HUWE1: variants seen among roughly 807,000 people sequenced by gnomAD.
HUWE1 encodes the protein HECT, UBA and WWE domain containing E3 ubiquitin protein ligase 1.
HUWE1 carries 18 observed loss-of-function variants against 299.4 expected under a neutral mutation model. The ratio of observed to expected loss-of-function variants is 0.06; its 90% CI spans 0.04 to 0.09. The LOEUF is 0.09. HUWE1 is among the 10% of genes least tolerant of loss of function. HUWE1 has a pLI of 1.00. For missense variants in HUWE1, 1,832 were observed against 3,462.3 expected, an observed-to-expected ratio of 0.53 and a Z score of 11.82; for synonymous variants, 1,317 against 1,286.1, an observed-to-expected ratio of 1.02 and a Z score of -0.51.
At chrX:53,643,443 G>A (rs1205996781) in intron 7 of HUWE1, among the ~76,000 whole-genome samples, 2 of 110,278 alleles carry the variant, frequency 1.8e-5, no homozygotes, top group Non-Finnish European at 3.8e-5. Flanking sequence ...TCCGCCTCCC[G>A]GGTTCAAGCG....
intron 28 of HUWE1, among the ~76,000 whole-genome samples, chrX:53,601,463 C>T (rs2064838281): frequency 9.1e-6 from 1 of 110,291 alleles, no homozygotes; most frequent in African/African-American, 3.3e-5. Flanking sequence ...GGATTAGAGA[C>T]GTGAGCCACT....
At chrX:53,674,225 C>A (rs1197557374) in intron 3 of HUWE1, among the ~76,000 whole-genome samples, 1 of 111,521 alleles carries the variant, frequency 9.0e-6, no homozygotes, top group African/African-American at 3.3e-5. Flanking sequence ...TACTAGATTT[C>A]TTTTCTTATT....
intron 27 of HUWE1, 140 bp downstream of exon 27, chrX:53,603,228 C>G: frequency 1.8e-6 from 1 of 563,027 alleles, no homozygotes; most frequent in Non-Finnish European, 2.9e-6. Flanking sequence ...CATTTGTCAT[C>G]AAGTTCCTAG....
chrX:53,676,183 A>G (rs782757437), intron 3 of HUWE1, among the ~76,000 whole-genome samples: 15 of 112,107 alleles, frequency 1.3e-4, no homozygotes, highest in Non-Finnish European at 2.8e-4. Context: ...GAAGGAGTTA[A>G]GTAAAATAGT....
At chrX:53,579,065 G>GT (rs2063440929) in intron 43 of HUWE1, among the ~76,000 whole-genome samples, 1 of 86,613 alleles carries the variant, frequency 1.2e-5, no homozygotes, top group African/African-American at 4.5e-5. Flanking sequence ...CGTCCGGGAG[G>GT]GAGGTGGGGG....
Position 53,600,320 on chromosome X carries a change from A to G in HUWE1, c.2972-11T>C, listed in dbSNP as rs782721309. 1.4e-5 allele frequency: 16 copies of G among 1,161,723 alleles called. No homozygotes were observed. The highest frequency in any genetic ancestry group is 2.5e-4 in the Middle Eastern group (1 of 3,981). On this transcript the variant is annotated splice_polypyrimidine_tract_variant and intron_variant, in intron 28 of 83. Transcript: ENST00000262854. ...CATCCTGTTCCCCATCTACAGATGT[A>G]TAAGAGGGGAGCAATAGGACAATGT...
rs782290958 is a variant in HUWE1 at position 53,534,172 on chromosome X, C to T, written c.12857G>A (p.Arg4286His). Reference sequence around the variant, plus strand: ...GGCACGGTCAGCTTGATCGAAAGAACGCAATGCTCTCCAGAACCACTGGAT... The same window carrying T: ...GGCACGGTCAGCTTGATCGAAAGAATGCAATGCTCTCCAGAACCACTGGAT... ...IQIQWFWRAL[R>H]SFDQADRAKF... Residue 4286 changes from arginine (R) to histidine (H), a missense_variant, in exon 83 of 84, where the codon CGT becomes CAT. By Grantham distance (29) the Arg-to-His change is conservative. Transcript: ENST00000262854. 3 of 1,210,114 alleles carry T rather than the reference C, an allele frequency of 2.5e-6. No homozygotes were observed. Among genetic ancestry groups the T allele is most frequent in the Non-Finnish European group, 2.2e-6 (2 of 894,512 alleles).
At chrX:53,646,598 G>A (rs782134943) in intron 6 of HUWE1, among the ~76,000 whole-genome samples, 83 of 111,972 alleles carry the variant, frequency 7.4e-4, no homozygotes, top group Non-Finnish European at 1.2e-3. Context: ...GGACTTCCAT[G>A]GGCAGCATAT....
chrX:53,634,413 A>C, intron 7 of HUWE1, 115 bp from the exon 8 acceptor site: 1 of 541,140 alleles, frequency 1.8e-6, no homozygotes. Context: ...ATGTATATAC[A>C]CATACATATA....
At chrX:53,610,169 A>G (rs1339560268) in intron 23 of HUWE1, among the ~76,000 whole-genome samples, 1 of 111,655 alleles carries the variant, frequency 9.0e-6, no homozygotes, top group Non-Finnish European at 1.9e-5. Flanking sequence ...ACCTCTATCG[A>G]TAAGGAGTGC....
intron 60 of HUWE1, among the ~76,000 whole-genome samples, 163 bp from the exon 61 acceptor site, chrX:53,555,083 A>G (rs782316428): frequency 9.0e-6 from 1 of 111,535 alleles, no homozygotes; most frequent in East Asian, 2.8e-4. Flanking sequence ...TATACTAAGG[A>G]TGAAGGTTAA....
At chrX:53,656,560 AAG>A (rs1362731697) in intron 3 of HUWE1, among the ~76,000 whole-genome samples, 15 of 46,895 alleles carry the variant, frequency 3.2e-4, no homozygotes, top group African/African-American at 5.3e-4. Flanking sequence ...AAAAAAAAAA[AAG>A]AAAAATCAAA....
chrX:53,662,933 A>G (rs968372549), intron 3 of HUWE1, among the ~76,000 whole-genome samples: 1 of 111,727 alleles, frequency 9.0e-6, no homozygotes, highest in African/African-American at 3.3e-5. Flanking sequence ...ACCAAAAAAA[A>G]TACAATACAA....
chrX:53,539,230 C>T (rs941177315), intron 75 of HUWE1, 150 bp from the exon 76 acceptor site: 2 of 640,812 alleles, frequency 3.1e-6, no homozygotes, highest in African/African-American at 4.6e-5. Flanking sequence ...CCTATGATCC[C>T]AGCACTTTGG....
intron 47 of HUWE1, among the ~76,000 whole-genome samples, chrX:53,572,077 T>C (rs782098095): frequency 8.9e-6 from 1 of 112,403 alleles, no homozygotes; most frequent in African/African-American, 3.2e-5. Context: ...GGGTAAAAGA[T>C]GTATTTGTTT....
chrX:53,603,508 T>TCATA lies in HUWE1; in HGVS notation c.2743-11_2743-8dup. On this transcript the variant is annotated splice_polypyrimidine_tract_variant and splice_region_variant and intron_variant, in intron 26 of 83. Coordinates refer to ENST00000262854, the MANE Select transcript of HUWE1 (RefSeq NM_031407.7). Reference sequence around the variant, plus strand: ...AGATGGAACGAATTTCACTCTGCAATCATAACAAGAATTTCACCTTTGGGA... The same window carrying TCATA: ...AGATGGAACGAATTTCACTCTGCAATCATACATAACAAGAATTTCACCTTTGGGA... The TCATA allele has an allele frequency of 8.3e-7, 1 of 1,207,416 alleles. No homozygotes were observed. The highest frequency in any genetic ancestry group is 1.1e-6 in the Non-Finnish European group (1 of 892,108).
chrX:53,618,782 C>T (rs190984829), intron 19 of HUWE1, among the ~76,000 whole-genome samples: 10 of 108,971 alleles, frequency 9.2e-5, no homozygotes, highest in Admixed American at 5.9e-4. Context: ...AGGCTGGTCT[C>T]GAACTCCTAA....
chrX:53,602,791 T>C (rs1389235778), intron 27 of HUWE1, 133 bp from the exon 28 acceptor site: 10 of 378,247 alleles, frequency 2.6e-5, no homozygotes, highest in South Asian at 7.2e-5. Flanking sequence ...TTAAACTGAA[T>C]GTAATAAAGC....
intron 3 of HUWE1, among the ~76,000 whole-genome samples, chrX:53,676,605 T>C (rs897456947): frequency 8.9e-6 from 1 of 111,789 alleles, no homozygotes; most frequent in African/African-American, 3.3e-5. Flanking sequence ...TGCACAAGAA[T>C]GCGCCTGGAA....
Sources: gnomAD v4.1 joint callset for allele counts (sites outside exome capture counted in the v4.1 genomes callset) on GRCh38, gnomAD v4.1.1 for gene constraint, MANE v1.5 for transcripts, NCBI Gene and HGNC (gene_info 2026-07-23, HGNC 2026-07-21) for gene names.